The following SCRIB variants were observed in gnomAD, a reference collection of about 807,000 sequenced individuals.
The protein encoded by SCRIB is scribble planar cell polarity protein.
SCRIB carries 72 observed loss-of-function variants against 170.0 expected under a neutral mutation model. The observed-to-expected ratio is 0.42, with a 90% confidence interval of 0.35 to 0.52. The LOEUF (loss-of-function observed/expected upper bound fraction) is 0.52, where lower values mean the gene tolerates loss of function less well. Among genes scored for constraint, SCRIB ranks in the 20% least tolerant of loss-of-function variants. SCRIB has a pLI of 0.02. For synonymous variants in SCRIB, 1,298 were observed against 1,044.3 expected (o/e 1.24, Z -4.68); for missense variants, 2,475 against 2,338.5 (o/e 1.06, Z -1.20).
chr8:143,803,626 G>C (rs1345474492), intron 23 of SCRIB, 21 bp downstream of exon 23: 3 of 1,517,080 alleles, frequency 2.0e-6, no homozygotes, highest in East Asian at 4.8e-5. Flanking sequence ...CCCAGGGCGG[G>C]CTGGGGTGGG....
intron 18 of SCRIB, 122 bp downstream of exon 18, chr8:143,806,257 AGGTTCCGTGGCTTCACCCGGAAGTCTGG>A: frequency 1.5e-6 from 1 of 648,612 alleles, no homozygotes; most frequent in Non-Finnish European, 2.7e-6. Context: ...TGGGGTTTAC[AGGTTCCGTGGCTTCACCCGGAAGTCTGG>A]GTGTCCTGTG....
Position 143,792,651 on chromosome 8 carries a change from G to A in SCRIB, c.4178-16C>T. Reference sequence around the variant, plus strand: ...AGTTTTCTGGCTGCCGGAGGGCAGGGTGGGTCAGGCCAGACCAGCCGAGAC... The same window carrying A: ...AGTTTTCTGGCTGCCGGAGGGCAGGATGGGTCAGGCCAGACCAGCCGAGAC... On this transcript the variant is annotated splice_polypyrimidine_tract_variant and intron_variant, in intron 30 of 36. Coordinates refer to ENST00000356994, the MANE Select transcript of SCRIB (RefSeq NM_182706.5). 16 of 1,592,734 alleles carry A rather than the reference G, an allele frequency of 1.0e-5. No homozygotes were observed. The highest frequency in any genetic ancestry group is 1.3e-5 in the Non-Finnish European group (15 of 1,177,042).
At chr8:143,814,925 A>C in intron 1 of SCRIB, 3 of 440,630 alleles carry the variant, frequency 6.8e-6, no homozygotes. Context: ...TCCAAGTTCC[A>C]CCCTAACCCC....
chr8:143,801,329 C>T (rs535741250), intron 24 of SCRIB, among the ~76,000 whole-genome samples: 36 of 152,292 alleles, frequency 2.4e-4, no homozygotes, highest in African/African-American at 6.3e-4. Context: ...CCAGCCTAGG[C>T]GACAAGCGAG....
chr8:143,812,463 A>G lies in SCRIB; in HGVS notation c.788-79T>C, dbSNP rs28623419. On this transcript the variant is annotated intron_variant, in intron 8 of 36. Transcript: ENST00000356994. ...TACCCACCTGGCCAGAAGCGCCCTC[A>G]AGGCAGACAGCAAGGCCCCCAGCCC... 7,567 of 1,113,022 alleles carry G rather than the reference A, an allele frequency of 6.8e-3. 314 individuals carry two copies. The African/African-American group carries it at 0.093, about 14-fold the overall frequency. The allele number at this position is 1,113,022 out of a possible 1,614,324, so 68.9% of individuals were successfully genotyped here.
Position 143,812,371 on chromosome 8 carries a change from C to T in SCRIB, c.801G>A (p.Gln267=). The change falls in exon 9 of 37, where the codon CAG becomes CAA. Residue 267 remains glutamine (Q), a synonymous_variant. Transcript: ENST00000356994. ...RLPDGIGQLK[Q]LSILKVDQNR... is the part of the protein sequence containing the mutation. The stretch of plus-strand genomic sequence containing the variant: ...TCTGGTCTACCTTTAGGATGGATAG[C>T]TGCTTCAGCTGACCTGGCGTCGGGG... 1 of 1,612,542 alleles carries T rather than the reference C, an allele frequency of 6.2e-7. No individual in the cohort carries two copies. The highest frequency in any genetic ancestry group is 2.2e-5 in the East Asian group (1 of 44,880).
intron 24 of SCRIB, among the ~76,000 whole-genome samples, chr8:143,796,318 C>T (rs58835571): frequency 0.1 from 15,213 of 152,204 alleles, 2,515 homozygotes; most frequent in African/African-American, 0.34. Context: ...ACAGTGGACA[C>T]AGGCATTGCT....
rs563904379 is a variant in SCRIB at position 143,791,830 on chromosome 8, C to G, written c.4695+46G>C. On this transcript the variant is annotated intron_variant, in intron 34 of 36. Transcript: ENST00000356994. ...GGGTGGGGGCAGGCCAGACCCCACC[C>G]CCATGCCTCGGGGGTGAAGGGAAGG... 6.0e-4 allele frequency: 919 copies of G among 1,527,714 alleles called. 13 individuals are homozygous for G. Among genetic ancestry groups the G allele is most frequent in the South Asian group, 2.1e-3 (179 of 83,434 alleles). The allele number at this position is 1,527,714 out of a possible 1,614,324, so 94.6% of individuals were successfully genotyped here.
At chr8:143,806,816 C>G in intron 17 of SCRIB, 108 bp downstream of exon 17, 1 of 836,110 alleles carries the variant, frequency 1.2e-6, no homozygotes, top group African/African-American at 1.7e-5. Context: ...CAGCCCGTGT[C>G]CCCAGAGCGT....
chr8:143,812,400 CA>C lies in SCRIB; in HGVS notation c.788-17del, dbSNP rs1563807151. ...TTCAGCTGACCTGGCGTCGGGGAGA[CA>C]GGGGGACAAGGCTGAGCATGGTCCC... is the stretch of plus-strand genomic sequence containing the variant. On this transcript the variant is annotated splice_polypyrimidine_tract_variant and intron_variant, in intron 8 of 36. Coordinates refer to ENST00000356994, the MANE Select transcript of SCRIB (RefSeq NM_182706.5). 3 of 1,576,376 alleles carry C rather than the reference CA, an allele frequency of 1.9e-6. No individual in the cohort carries two copies. Among genetic ancestry groups the C allele is most frequent in the African/African-American group, 2.7e-5 (2 of 74,346 alleles).
Position 143,809,593 on chromosome 8 carries a change from C to T in SCRIB, c.1656G>A (p.Thr552=), listed in dbSNP as rs752131960. ...EAQGGSQQEA[T]TAGGEEDAEE... ...CGGCGTCTTCCTCCCCGCCAGCAGT[C>T]GTGGCTTCCTGCTGGCTCCCACCCT... The change falls in exon 14 of 37, where the codon ACG becomes ACA. Residue 552 remains threonine, a synonymous_variant. Transcript: ENST00000356994. 97 of 1,611,626 alleles carry T rather than the reference C, an allele frequency of 6.0e-5. No homozygotes were observed. The highest frequency in any genetic ancestry group is 5.0e-4 in the Admixed American group (30 of 60,020).
At chr8:143,795,606 GC>G in intron 24 of SCRIB, 76 bp from the exon 25 acceptor site, 2 of 1,246,682 alleles carry the variant, frequency 1.6e-6, no homozygotes, top group Non-Finnish European at 2.3e-6. Context: ...TGGGGTCCCA[GC>G]CCAGAATAGT....
chr8:143,802,063 A>G (rs1230082201), intron 24 of SCRIB, among the ~76,000 whole-genome samples: 1 of 152,272 alleles, frequency 6.6e-6, no homozygotes, highest in Non-Finnish European at 1.5e-5. Context: ...AATATATCGA[A>G]TGAAACGTGT....
intron 24 of SCRIB, among the ~76,000 whole-genome samples, chr8:143,800,817 G>A (rs11784060): frequency 0.87 from 133,260 of 152,348 alleles, 58,547 homozygotes; most frequent in East Asian, 0.98. Flanking sequence ...GCGAGCCTGC[G>A]GCGTGCAGCG....
intron 24 of SCRIB, among the ~76,000 whole-genome samples, 195 bp downstream of exon 24, chr8:143,803,188 C>G (rs550044921): frequency 6.6e-6 from 1 of 152,154 alleles, no homozygotes; most frequent in African/African-American, 2.4e-5. Flanking sequence ...CTCGATGAGC[C>G]GGAGCTCAGC....
Position 143,803,373 on chromosome 8 carries a change from G to A in SCRIB, c.3603+10C>T. ...GAGGGAGGCCCGGTCCCCGGGGCGG[G>A]ATCGCTAACCTCCAGGGCTGCGTCG... On this transcript the variant is annotated intron_variant, in intron 24 of 36. Transcript: ENST00000356994. The A allele has an allele frequency of 6.4e-7, 1 of 1,554,548 alleles. No homozygotes were observed. The highest frequency in any genetic ancestry group is 8.7e-7 in the Non-Finnish European group (1 of 1,150,370).
In SCRIB at chr8:143,803,731, CCT is replaced by C; in HGVS notation, c.3328_3329del (p.Arg1110AlafsTer80). 1 of 1,597,208 alleles carries C rather than the reference CCT, an allele frequency of 6.3e-7. No individual in the cohort carries two copies. On this transcript the variant is annotated frameshift_variant, in exon 23 of 37. Transcript: ENST00000356994. LOFTEE classifies it high-confidence loss of function. Reference sequence around the variant, plus strand: ...CACCCCCGCGGATGCTGATGCCCAGCCTCTCCCCAGGTGCCTTCTGGATGCAC... The same window carrying C: ...CACCCCCGCGGATGCTGATGCCCAGCCTCCCCAGGTGCCTTCTGGATGCAC... ...ELCIQKAPGE[R>X]LGISIRGGAR... is the part of the protein sequence containing the mutation.
chr8:143,807,450 G>A, intron 16 of SCRIB, 102 bp downstream of exon 16: 2 of 940,400 alleles, frequency 2.1e-6, no homozygotes, highest in Non-Finnish European at 3.5e-6. Context: ...TTTTGAGAGG[G>A]ATCTGCGCTC....
In SCRIB at chr8:143,792,967, C is replaced by G; in HGVS notation, c.4017+9G>C. 2.0e-6 allele frequency: 3 copies of G among 1,503,244 alleles called. No homozygotes were observed. The allele number at this position is 1,503,244 out of a possible 1,614,324, so 93.1% of individuals were successfully genotyped here. On this transcript the variant is annotated intron_variant, in intron 29 of 36. Coordinates refer to ENST00000356994, the MANE Select transcript of SCRIB (RefSeq NM_182706.5). ...ACGCGCAGCAGGGAGGCGTGCTGCC[C>G]CCACACACCTGGGCAGGGGCATCCT...
Sources: allele counts gnomAD v4.1 joint callset (sites outside exome capture counted in the v4.1 genomes callset), GRCh38; gene constraint gnomAD v4.1.1; transcripts MANE v1.5; gene names NCBI Gene and HGNC (gene_info 2026-07-23, HGNC 2026-07-21).